The following SCML2 variants were observed in gnomAD, a reference collection of about 807,000 sequenced individuals.
SCML2 encodes the protein sex comb on midleg-like protein 2.
SCML2 carries 6 observed loss-of-function variants against 48.4 expected under a neutral mutation model. The observed-to-expected ratio is 0.12, with a 90% CI of 0.07 to 0.24. SCML2 has a LOEUF of 0.24. SCML2 is among the 10% of genes least tolerant of loss of function. SCML2 has a pLI of 1.00. For missense variants in SCML2, 377 were observed against 528.2 expected (o/e 0.71, Z 2.81); for synonymous variants, 181 against 189.5 (o/e 0.95, Z 0.37).
intron 2 of SCML2, among the ~76,000 whole-genome samples, chrX:18,333,838 T>C (rs185726518): frequency 2.8e-3 from 316 of 111,963 alleles, no homozygotes; most frequent in African/African-American, 9.7e-3. Context: ...GACCTTAACC[T>C]CTCTAAGTTT....
intron 8 of SCML2, 32 bp downstream of exon 8, chrX:18,265,553 T>C (rs970240804): frequency 9.2e-6 from 10 of 1,088,116 alleles, no homozygotes; most frequent in South Asian, 1.9e-5. Context: ...TATAAAAACC[T>C]ATAATACAAA....
At chrX:18,308,830 T>A (rs938654241) in intron 6 of SCML2, among the ~76,000 whole-genome samples, 1 of 111,380 alleles carries the variant, frequency 9.0e-6, no homozygotes, top group African/African-American at 3.3e-5. Flanking sequence ...AACAGATACT[T>A]CTCAAAAGAA....
rs188751470 is a variant in SCML2, at chrX:18,348,470, G to A, written c.-25+6122C>T. On this transcript the variant is annotated intron_variant, in intron 1 of 14. Transcript: ENST00000251900. ...ATCCTTGAAAATACCTCAAACATGA[G>A]GCAGGTGTCAGCAAATTACCCATTC... Among the ~76,000 whole-genome samples the A allele has an allele frequency of 1.2e-4, 13 of 111,750 alleles. No homozygotes were observed. The East Asian group carries it at 2.0e-3, about 17-fold the overall frequency.
chrX:18,244,786 G>T (rs1926384253), intron 13 of SCML2, among the ~76,000 whole-genome samples: 1 of 110,602 alleles, frequency 9.0e-6, no homozygotes, highest in Non-Finnish European at 1.9e-5. Context: ...CTATAATAAA[G>T]ATCAGCAATA....
In SCML2 at chrX:18,350,210, C is replaced by T. The variant is rs188733564; in HGVS notation, c.-25+4382G>A. Among the ~76,000 whole-genome samples, 4 of 110,466 alleles carry T rather than the reference C, an allele frequency of 3.6e-5. No homozygotes were observed. In the East Asian group the frequency reaches 8.7e-4, roughly 24 times the overall value. On this transcript the variant is annotated intron_variant, in intron 1 of 14. Coordinates refer to ENST00000251900, the MANE Select transcript of SCML2 (RefSeq NM_006089.3). The stretch of plus-strand genomic sequence containing the variant: ...ACAAGAATTGCTTGAACCCAGGAGG[C>T]AGAGGCTGTAGTGAGCCAAGATCAC...
chrX:18,329,648 C>A (rs950577118), intron 3 of SCML2, among the ~76,000 whole-genome samples: 2 of 112,737 alleles, frequency 1.8e-5, no homozygotes, highest in African/African-American at 6.4e-5. Context: ...TAATAAGGAA[C>A]ATGAATTAAT....
In SCML2 at chrX:18,338,742, G is replaced by A. The variant is rs779851852; in HGVS notation, c.-24-4647C>T. 4.7e-5 allele frequency among the ~76,000 whole-genome samples: 5 copies of A among 107,275 alleles called. No homozygotes were observed. The South Asian group carries it at 1.3e-3, about 27-fold the overall frequency. 93.2% of individuals were successfully genotyped at this position (107,275 alleles called of 115,157 possible). On this transcript the variant is annotated intron_variant, in intron 1 of 14. Coordinates refer to ENST00000251900, the MANE Select transcript of SCML2 (RefSeq NM_006089.3). ...AGCCTGGGCAACATGGCAAAACCCC[G>A]TCTCTACAAAAAAATACAAAAATTA...
chrX:18,322,177 C>G (rs1223380714), intron 5 of SCML2, among the ~76,000 whole-genome samples: 1 of 112,145 alleles, frequency 8.9e-6, no homozygotes, highest in Non-Finnish European at 1.9e-5. Flanking sequence ...TTAAACTATT[C>G]AAAAGTACCT....
At chrX:18,353,863 A>G (rs1455446729) in intron 1 of SCML2, among the ~76,000 whole-genome samples, 1 of 113,110 alleles carries the variant, frequency 8.8e-6, no homozygotes, top group African/African-American at 3.2e-5. Context: ...CAGGTGGAAA[A>G]AGCGAGAAAG....
chrX:18,340,098 T>C (rs1446894513), intron 1 of SCML2, among the ~76,000 whole-genome samples: 5 of 112,209 alleles, frequency 4.5e-5, no homozygotes, highest in South Asian at 3.6e-4. Flanking sequence ...TAAAATGAAA[T>C]GTACAATGAA....
intron 7 of SCML2, among the ~76,000 whole-genome samples, chrX:18,278,944 G>A (rs1049339971): frequency 1.8e-5 from 2 of 112,959 alleles, no homozygotes; most frequent in Non-Finnish European, 3.8e-5. Context: ...GAGCCAGGGC[G>A]GGAGCAGGGT....
intron 6 of SCML2, among the ~76,000 whole-genome samples, chrX:18,317,900 G>C (rs1234162491): frequency 1.4e-4 from 15 of 109,846 alleles, no homozygotes; most frequent in Non-Finnish European, 1.3e-4. Flanking sequence ...GGAGGGAAGA[G>C]AGGAATGAAG....
intron 11 of SCML2, among the ~76,000 whole-genome samples, chrX:18,256,286 T>C (rs751362825): frequency 4.5e-5 from 5 of 111,075 alleles, no homozygotes; most frequent in Admixed American, 9.6e-5. Context: ...ACCCTGTCTC[T>C]ACTAAAAATA....
intron 1 of SCML2, among the ~76,000 whole-genome samples, chrX:18,337,596 C>T (rs1484734644): frequency 9.0e-6 from 1 of 110,633 alleles, no homozygotes; most frequent in East Asian, 2.8e-4. Flanking sequence ...ATATGCCTAA[C>T]AAGAGAGCAT....
At chrX:18,281,059 T>A (rs149611284) in intron 7 of SCML2, among the ~76,000 whole-genome samples, 1,495 of 87,450 alleles carry the variant, frequency 0.017, 21 homozygotes, top group African/African-American at 0.054. Flanking sequence ...ATCCTTCTCA[T>A]CTGCACACAG....
chrX:18,303,687 A>G (rs1303376370), intron 7 of SCML2, among the ~76,000 whole-genome samples: 4 of 112,135 alleles, frequency 3.6e-5, no homozygotes, highest in Admixed American at 9.5e-5. Flanking sequence ...ATTTATCTTA[A>G]TATCATATAC....
intron 2 of SCML2, among the ~76,000 whole-genome samples, chrX:18,333,568 T>C (rs1438778304): frequency 8.9e-6 from 1 of 112,039 alleles, no homozygotes; most frequent in Non-Finnish European, 1.9e-5. Flanking sequence ...CACTTAAAAT[T>C]AGAGAACAGC....
chrX:18,323,451 T>A (rs973524688), intron 5 of SCML2, among the ~76,000 whole-genome samples: 5 of 111,920 alleles, frequency 4.5e-5, no homozygotes, highest in African/African-American at 1.6e-4. Flanking sequence ...AATCATACCC[T>A]TCCCCTAGGC....
At chrX:18,268,092 T>C (rs2147484107) in intron 7 of SCML2, among the ~76,000 whole-genome samples, 1 of 112,661 alleles carries the variant, frequency 8.9e-6, no homozygotes, top group Admixed American at 9.4e-5. Context: ...TGCAACTCAC[T>C]GATTTCCAAG....
Sources: gnomAD v4.1 joint callset for allele counts (sites outside exome capture counted in the v4.1 genomes callset) on GRCh38, gnomAD v4.1.1 for gene constraint, MANE v1.5 for transcripts, NCBI Gene and HGNC (gene_info 2026-07-23, HGNC 2026-07-21) for gene names.